Variants in DLG2 observed in about 807,000 individuals in gnomAD.
The protein encoded by DLG2 is discs large MAGUK scaffold protein 2.
A neutral mutation model predicts 132.5 loss-of-function variants in DLG2; 45 were observed. The ratio of observed to expected loss-of-function variants is 0.34; its 90% CI spans 0.27 to 0.44. DLG2 has a LOEUF of 0.44. DLG2 is among the 20% of genes least tolerant of loss of function. DLG2 has a pLI of 1.00. For missense variants in DLG2, 1,045 were observed against 1,196.9 expected (o/e 0.87, Z 1.87); for synonymous variants, 424 against 419.6 (o/e 1.01, Z -0.13).
intron 3 of DLG2, among the ~76,000 whole-genome samples, chr11:85,459,166 C>G (rs1227023366): frequency 6.6e-6 from 1 of 152,188 alleles, no homozygotes; most frequent in Admixed American, 6.5e-5. Flanking sequence ...TTCTCCAATT[C>G]AAGGACAGCA....
At chr11:84,507,452 A>G (rs1316912142) in intron 7 of DLG2, among the ~76,000 whole-genome samples, 2 of 152,170 alleles carry the variant, frequency 1.3e-5, no homozygotes, top group Non-Finnish European at 2.9e-5. Flanking sequence ...TTTAAACATG[A>G]TGACTTCTGG....
chr11:85,054,677 C>T (rs2063268821), intron 6 of DLG2, among the ~76,000 whole-genome samples: 1 of 152,196 alleles, frequency 6.6e-6, no homozygotes, highest in Non-Finnish European at 1.5e-5. Flanking sequence ...GAATACTACA[C>T]ATCCACAGAA....
chr11:85,559,155 A>AT (rs1185312599), intron 3 of DLG2, among the ~76,000 whole-genome samples: 2,542 of 140,336 alleles, frequency 0.018, 72 homozygotes, highest in African/African-American at 0.055. Context: ...TATTATTATT[A>AT]TTTTTTTTTT....
At chr11:84,143,750 G>T (rs1596057012) in intron 9 of DLG2, among the ~76,000 whole-genome samples, 1 of 152,082 alleles carries the variant, frequency 6.6e-6, no homozygotes, top group East Asian at 1.9e-4. Flanking sequence ...TTCTCTGTGC[G>T]TTTTTCCTTT....
intron 11 of DLG2, among the ~76,000 whole-genome samples, chr11:83,991,540 T>TTC (rs150647302): frequency 2.1e-3 from 319 of 151,824 alleles, no homozygotes; most frequent in Middle Eastern, 3.4e-3. Flanking sequence ...TTTTCTTTTT[T>TTC]TCTCTCTCTC....
chr11:83,896,463 A>G (rs909518170), intron 15 of DLG2, among the ~76,000 whole-genome samples: 1 of 152,202 alleles, frequency 6.6e-6, no homozygotes, highest in East Asian at 1.9e-4. Context: ...TTACAGTCAA[A>G]TGTCATATTT....
At chr11:83,956,254 T>C (rs2086804596) in intron 14 of DLG2, among the ~76,000 whole-genome samples, 1 of 152,154 alleles carries the variant, frequency 6.6e-6, no homozygotes, top group Non-Finnish European at 1.5e-5. Flanking sequence ...TTGGGACCAC[T>C]GAGTGCAGGT....
At chr11:84,103,597 T>C (rs1022770244) in intron 9 of DLG2, among the ~76,000 whole-genome samples, 2 of 152,060 alleles carry the variant, frequency 1.3e-5, no homozygotes, top group East Asian at 3.9e-4. Context: ...GACCATTCTT[T>C]CTCTTAATTG....
At chr11:84,578,325 C>A (rs938782325) in intron 6 of DLG2, among the ~76,000 whole-genome samples, 1 of 152,128 alleles carries the variant, frequency 6.6e-6, no homozygotes, top group African/African-American at 2.4e-5. Context: ...CCACCGACAG[C>A]TTGCACTGTG....
Position 83,697,806 on chromosome 11 carries a change from A to T in DLG2, c.1826-64481T>A, listed in dbSNP as rs76536191. Reference sequence around the variant, plus strand: ...TAAAAAGAACATGCACCACATTGTGATATTTTTTCAAGAACAGAGAGGCCC... The same window carrying T: ...TAAAAAGAACATGCACCACATTGTGTTATTTTTTCAAGAACAGAGAGGCCC... On this transcript the variant is annotated intron_variant, in intron 18 of 27. Transcript: ENST00000376104. Among the ~76,000 whole-genome samples the T allele has an allele frequency of 2.7e-3, 411 of 152,340 alleles. 1 individual carries two copies. The highest frequency in any genetic ancestry group is 9.5e-3 in the African/African-American group (396 of 41,582).
intron 7 of DLG2, among the ~76,000 whole-genome samples, chr11:84,517,828 AG>A (rs2099278370): frequency 6.6e-6 from 1 of 152,040 alleles, no homozygotes; most frequent in Non-Finnish European, 1.5e-5. Flanking sequence ...ACAAAGAAAA[AG>A]GAAATACTGT....
At chr11:83,719,223 G>C (rs2087662954) in intron 18 of DLG2, among the ~76,000 whole-genome samples, 1 of 152,180 alleles carries the variant, frequency 6.6e-6, no homozygotes, top group African/African-American at 2.4e-5. Flanking sequence ...TGCAGTGTTA[G>C]AGGACTGAGA....
At chr11:83,505,099 GGCA>G (rs1462682094) in intron 21 of DLG2, among the ~76,000 whole-genome samples, 1 of 152,162 alleles carries the variant, frequency 6.6e-6, no homozygotes, top group Non-Finnish European at 1.5e-5. Context: ...TGGTAGTCTT[GGCA>G]GAAGCATTGT....
intron 6 of DLG2, among the ~76,000 whole-genome samples, chr11:84,558,736 C>A (rs1011135416): frequency 6.6e-6 from 1 of 152,182 alleles, no homozygotes; most frequent in Non-Finnish European, 1.5e-5. Context: ...AGTCCACCTA[C>A]GCCAAATTCC....
intron 9 of DLG2, among the ~76,000 whole-genome samples, chr11:84,103,320 T>A (rs1372298905): frequency 6.6e-6 from 1 of 152,142 alleles, no homozygotes; most frequent in Non-Finnish European, 1.5e-5. Flanking sequence ...CCCCTGACAA[T>A]TGTCCCAGAG....
At chr11:84,326,396 T>G (rs1028005323) in intron 7 of DLG2, among the ~76,000 whole-genome samples, 3 of 152,186 alleles carry the variant, frequency 2.0e-5, no homozygotes, top group African/African-American at 7.2e-5. Context: ...ACTGTTTTTA[T>G]GGTATCCCAT....
At chr11:84,022,298 A>G (rs1466900097) in intron 11 of DLG2, among the ~76,000 whole-genome samples, 1 of 152,146 alleles carries the variant, frequency 6.6e-6, no homozygotes, top group African/African-American at 2.4e-5. Flanking sequence ...CACATCCACT[A>G]TCCAGCAACA....
At chr11:83,716,052 T>C (rs1161879847) in intron 18 of DLG2, among the ~76,000 whole-genome samples, 1 of 152,220 alleles carries the variant, frequency 6.6e-6, no homozygotes, top group Non-Finnish European at 1.5e-5. Context: ...ATGGAGGTCA[T>C]GTTTGATTTG....
chr11:84,999,211 G>A (rs751138497), intron 6 of DLG2, among the ~76,000 whole-genome samples: 2 of 152,048 alleles, frequency 1.3e-5, no homozygotes, highest in Non-Finnish European at 2.9e-5. Flanking sequence ...ACCTATGTGT[G>A]TGAAAGGGCA....
Sources: gnomAD v4.1 joint callset for allele counts (sites outside exome capture counted in the v4.1 genomes callset) on GRCh38, gnomAD v4.1.1 for gene constraint, MANE v1.5 for transcripts, NCBI Gene and HGNC (gene_info 2026-07-23, HGNC 2026-07-21) for gene names.